Variants in FNDC3B observed in about 807,000 individuals in gnomAD.
FNDC3B encodes the protein fibronectin type III domain containing 3B.
A neutral mutation model predicts 151.5 loss-of-function variants in FNDC3B; 12 were observed. The ratio of observed to expected loss-of-function variants is 0.08; its 90% CI spans 0.05 to 0.13. FNDC3B has a LOEUF of 0.13. FNDC3B is among the 10% of genes least tolerant of loss of function. The pLI is 1.00. For synonymous variants in FNDC3B, 528 were observed against 549.0 expected (o/e 0.96, Z 0.54); for missense variants, 1,214 against 1,505.3 (o/e 0.81, Z 3.20).
intron 3 of FNDC3B, among the ~76,000 whole-genome samples, chr3:172,139,875 A>G (rs1721535087): frequency 6.6e-6 from 1 of 151,940 alleles, no homozygotes; most frequent in Admixed American, 6.6e-5. Flanking sequence ...AGCTCGTTGC[A>G]GCCTTGACCT....
At chr3:172,178,182 C>T (rs750404291) in intron 3 of FNDC3B, among the ~76,000 whole-genome samples, 1 of 152,098 alleles carries the variant, frequency 6.6e-6, no homozygotes, top group East Asian at 1.9e-4. Context: ...CCTCCATGCA[C>T]TCTGAATTGC....
intron 22 of FNDC3B, 106 bp downstream of exon 22, chr3:172,353,189 T>C: frequency 9.0e-7 from 1 of 1,111,880 alleles, no homozygotes. Context: ...CAGCTGTTTC[T>C]AAGAGCCCAG....
At chr3:172,280,487 G>T (rs918946885) in intron 6 of FNDC3B, among the ~76,000 whole-genome samples, 1 of 152,202 alleles carries the variant, frequency 6.6e-6, no homozygotes, top group African/African-American at 2.4e-5. Flanking sequence ...TTGTTAAAGA[G>T]AGTAGCTATG....
At chr3:172,249,370 T>A (rs536656936) in intron 5 of FNDC3B, among the ~76,000 whole-genome samples, 5 of 152,326 alleles carry the variant, frequency 3.3e-5, no homozygotes, top group African/African-American at 1.2e-4. Context: ...AGCAAAATTG[T>A]AGTCTCTTCA....
chr3:172,337,370 C>T lies in FNDC3B; in HGVS notation c.1821C>T (p.Tyr607=). 1 of 1,612,720 alleles carries T rather than the reference C, an allele frequency of 6.2e-7. No individual in the cohort carries two copies. The highest frequency in any genetic ancestry group is 8.5e-7 in the Non-Finnish European group (1 of 1,178,944). The part of the protein sequence containing the change: ...KDNGGSEILK[Y]LLEITDGNSE... ...ATGGTGGTTCAGAAATCCTCAAGTA[C>T]TTGCTAGAGATTACTGATGGAAATT... Residue 607 remains tyrosine (Y), a synonymous_variant, in exon 16 of 26, where the codon TAC becomes TAT. Transcript: ENST00000415807.
intron 16 of FNDC3B, among the ~76,000 whole-genome samples, chr3:172,338,774 G>A (rs760099603): frequency 3.3e-5 from 5 of 152,056 alleles, no homozygotes; most frequent in Non-Finnish European, 7.4e-5. Flanking sequence ...TCGCTCTGTC[G>A]CCCAGGCGAC....
chr3:172,081,357 T>C (rs1718272168), intron 1 of FNDC3B, among the ~76,000 whole-genome samples: 1 of 152,212 alleles, frequency 6.6e-6, no homozygotes, highest in Admixed American at 6.5e-5. Flanking sequence ...TTTTTTTTCT[T>C]TACAGAGCAC....
chr3:172,090,961 T>C (rs1295598349), intron 1 of FNDC3B, among the ~76,000 whole-genome samples: 1 of 152,240 alleles, frequency 6.6e-6, no homozygotes, highest in South Asian at 2.1e-4. Context: ...CTTTGTATTA[T>C]GTATATGCAG....
intron 3 of FNDC3B, among the ~76,000 whole-genome samples, chr3:172,159,849 C>G (rs1200878026): frequency 4.6e-5 from 7 of 152,206 alleles, no homozygotes; most frequent in Non-Finnish European, 8.8e-5. Flanking sequence ...GTACTGAAGC[C>G]TTATATATGT....
chr3:172,231,725 C>T (rs1042266792), intron 4 of FNDC3B, among the ~76,000 whole-genome samples: 1 of 152,048 alleles, frequency 6.6e-6, no homozygotes, highest in Non-Finnish European at 1.5e-5. Flanking sequence ...ACCTCTTTCC[C>T]ATTATGATAC....
At chr3:172,356,240 G>A (rs989664237) in intron 22 of FNDC3B, among the ~76,000 whole-genome samples, 2 of 152,154 alleles carry the variant, frequency 1.3e-5, no homozygotes, top group African/African-American at 4.8e-5. Context: ...AGACAGCCTT[G>A]ACTTCAATCC....
chr3:172,276,204 A>G (rs770614085), intron 6 of FNDC3B, among the ~76,000 whole-genome samples: 3 of 152,232 alleles, frequency 2.0e-5, no homozygotes, highest in Non-Finnish European at 2.9e-5. Context: ...CTTGCAGTCT[A>G]GTGGCACTTT....
At chr3:172,291,019 G>C (rs1236565298) in intron 7 of FNDC3B, among the ~76,000 whole-genome samples, 1 of 152,132 alleles carries the variant, frequency 6.6e-6, no homozygotes, top group Non-Finnish European at 1.5e-5. Context: ...AAACAATTTA[G>C]TAACTATGAG....
chr3:172,229,136 C>A (rs4894528), intron 4 of FNDC3B, among the ~76,000 whole-genome samples: 951 of 81,646 alleles, frequency 0.012, 14 homozygotes, highest in South Asian at 0.042. Context: ...CACACACACA[C>A]AATCTCCTGC....
intron 4 of FNDC3B, among the ~76,000 whole-genome samples, chr3:172,234,627 G>A (rs915844267): frequency 6.6e-6 from 1 of 152,192 alleles, no homozygotes; most frequent in African/African-American, 2.4e-5. Context: ...TGACTAGAAT[G>A]CTAGTTTTCA....
chr3:172,073,802 C>T (rs11929416), intron 1 of FNDC3B, among the ~76,000 whole-genome samples: 28,314 of 151,790 alleles, frequency 0.19, 4,936 homozygotes, highest in African/African-American at 0.46. Context: ...CTCCACCTTA[C>T]AATGGGTGCA....
At chr3:172,130,433 G>A (rs1442667019) in intron 2 of FNDC3B, among the ~76,000 whole-genome samples, 1 of 152,086 alleles carries the variant, frequency 6.6e-6, no homozygotes, top group Non-Finnish European at 1.5e-5. Flanking sequence ...CATTTGAAGG[G>A]AGGTATTTTC....
At chr3:172,360,530 A>T (rs1326177872) in intron 22 of FNDC3B, among the ~76,000 whole-genome samples, 1 of 151,990 alleles carries the variant, frequency 6.6e-6, no homozygotes, top group East Asian at 1.9e-4. Flanking sequence ...TAGGTAGTAG[A>T]TTTTCTTCTG....
At chr3:172,263,586 GTTTTTTTT>G (rs35762662) in intron 6 of FNDC3B, among the ~76,000 whole-genome samples, 2 of 102,210 alleles carry the variant, frequency 2.0e-5, no homozygotes, top group African/African-American at 8.1e-5. Flanking sequence ...GCTATCAAGT[GTTTTTTTT>G]TTTTTTTTTT....
Sources: gnomAD v4.1 joint callset for allele counts (sites outside exome capture counted in the v4.1 genomes callset) on GRCh38, gnomAD v4.1.1 for gene constraint, MANE v1.5 for transcripts, NCBI Gene and HGNC (gene_info 2026-07-23, HGNC 2026-07-21) for gene names.